Variants in ART3 observed in about 807,000 individuals in gnomAD.
ART3 encodes ADP-ribosyltransferase 3 (inactive), also known as ecto-ADP-ribosyltransferase 3.
A neutral mutation model predicts 48.5 loss-of-function variants in ART3; 49 were observed. The observed-to-expected ratio is 1.01, with a 90% CI of 0.80 to 1.28. The LOEUF (loss-of-function observed/expected upper bound fraction) is 1.28. ART3 is among the 50% of genes most tolerant of loss of function. ART3 has a pLI of 0.00. For synonymous variants in ART3, 145 were observed against 157.2 expected (o/e 0.92, Z 0.58); for missense variants, 438 against 454.3 (o/e 0.96, Z 0.33).
rs1037621748 is a variant in ART3 at position 76,082,369 on chromosome 4, A to G, written c.615A>G (p.Thr205=). 2 of 1,614,126 alleles carry G rather than the reference A, an allele frequency of 1.2e-6. No individual in the cohort carries two copies. The highest frequency in any genetic ancestry group is 1.3e-5 in the African/African-American group (1 of 74,946). The change falls in exon 3 of 12, where the codon ACA becomes ACG. Residue 205 remains threonine (T), a synonymous_variant. Coordinates refer to ENST00000355810, the MANE Select transcript of ART3 (RefSeq NM_001130016.3). ...AGCTCACTGTGTTATCCATCTACACATGCCTTGGAGTTGACATTGAAAATT... is the reference window on the plus strand; with the variant it reads ...AGCTCACTGTGTTATCCATCTACACGTGCCTTGGAGTTGACATTGAAAATT... ...NDQLTVLSIY[T]CLGVDIENFL... is the part of the protein sequence containing the mutation.
intron 1 of ART3, among the ~76,000 whole-genome samples, chr4:76,049,016 T>C (rs4541535): frequency 0.59 from 89,662 of 151,574 alleles, 27,657 homozygotes; most frequent in East Asian, 0.94. Flanking sequence ...AAGGATACAA[T>C]TTCTGAGGCT....
chr4:76,094,768 A>C (rs1471715445), intron 3 of ART3, among the ~76,000 whole-genome samples: 1 of 152,168 alleles, frequency 6.6e-6, no homozygotes, highest in African/African-American at 2.4e-5. Flanking sequence ...ACTCCACTGA[A>C]TACTTGAGGG....
At chr4:76,103,244 G>A (rs9992976) in intron 8 of ART3, among the ~76,000 whole-genome samples, 80,012 of 151,852 alleles carry the variant, frequency 0.53, 21,909 homozygotes, top group East Asian at 0.98. Context: ...AAGCCAGCAC[G>A]GTGGCTCACA....
chr4:76,059,362 G>GTTTTTTTTTTTTTTTTTTTTTTTT (rs71657397), intron 1 of ART3, among the ~76,000 whole-genome samples: 1 of 141,070 alleles, frequency 7.1e-6, no homozygotes, highest in African/African-American at 2.6e-5. Flanking sequence ...ATTTTCTCTT[G>GTTTTTTTTTTTTTTTTTTTTTTTT]TTTTTTTTTC....
In ART3 at chr4:76,075,883, G is replaced by A. The variant is rs937340207; in HGVS notation, c.-7G>A. 6 of 1,608,496 alleles carry A rather than the reference G, an allele frequency of 3.7e-6. No individual in the cohort carries two copies. The highest frequency in any genetic ancestry group is 5.1e-6 in the Non-Finnish European group (6 of 1,177,060). ...GAAATTTCTTTATTTTAATTTAGAA[G>A]AGAAAAATGAAGACGGGACATTTTG... is the stretch of plus-strand genomic sequence containing the variant. On this transcript the variant is annotated splice_region_variant and 5_prime_UTR_variant, in exon 2 of 12. Coordinates refer to ENST00000355810, the MANE Select transcript of ART3 (RefSeq NM_001130016.3).
intron 1 of ART3, among the ~76,000 whole-genome samples, chr4:76,030,322 C>T (rs1406291884): frequency 6.6e-6 from 1 of 152,224 alleles, no homozygotes; most frequent in Non-Finnish European, 1.5e-5. Context: ...TCCCAAAGTG[C>T]TGGGATTACA....
chr4:76,036,012 G>T, intron 1 of ART3: 1 of 1,608,190 alleles, frequency 6.2e-7, no homozygotes, highest in Non-Finnish European at 8.5e-7. Context: ...GTTGCTGCTG[G>T]TGCTGCTGCT....
chr4:76,112,546 TCTTTA>T lies in ART3; in HGVS notation c.*31_*35del, dbSNP rs1729689839. ...TTGATGCATTGTTTATCTTTCTTAT[TCTTTA>T]CTTGAAATAACTATAGGGATCCACA... On this transcript the variant is annotated 3_prime_UTR_variant, in exon 12 of 12. Coordinates refer to ENST00000355810, the MANE Select transcript of ART3 (RefSeq NM_001130016.3). 6.3e-7 allele frequency: 1 copy of T among 1,596,616 alleles called. No homozygotes were observed. Among genetic ancestry groups the T allele is most frequent in the African/African-American group, 1.3e-5 (1 of 74,280 alleles).
At chr4:76,107,722 TATACA>T in intron 10 of ART3, 34 bp from the exon 11 acceptor site, 1 of 1,297,840 alleles carries the variant, frequency 7.7e-7, no homozygotes, top group Non-Finnish European at 1.1e-6. Context: ...GATAAACAGA[TATACA>T]ATATAACTAA....
intron 7 of ART3, 65 bp downstream of exon 7, chr4:76,100,889 AAT>A: frequency 1.2e-6 from 2 of 1,601,812 alleles, no homozygotes; most frequent in Non-Finnish European, 1.7e-6. Flanking sequence ...TACAGGTGGG[AAT>A]ATTTTCATAT....
At chr4:76,034,818 T>C in intron 1 of ART3, 1 of 1,554,392 alleles carries the variant, frequency 6.4e-7, no homozygotes, top group Non-Finnish European at 8.8e-7. Flanking sequence ...TTCAACTTTC[T>C]GGAATAAGAA....
rs1487644708 is a variant in ART3, at chr4:76,112,385, G to A, written c.1037-1G>A. On this transcript the variant is annotated splice_acceptor_variant, in intron 11 of 11. Transcript: ENST00000355810. LOFTEE classifies it high-confidence loss of function. The stretch of plus-strand genomic sequence containing the variant: ...CAGTGACTGTGTATTCTTGTTAACA[G>A]CTCCAGGTCCAGTTCCTGTTCCAGG... 3.1e-6 allele frequency: 5 copies of A among 1,612,566 alleles called. No homozygotes were observed. Among genetic ancestry groups the A allele is most frequent in the South Asian group, 2.2e-5 (2 of 90,774 alleles).
intron 1 of ART3, among the ~76,000 whole-genome samples, chr4:76,027,893 C>T (rs1733547446): frequency 6.6e-6 from 1 of 151,202 alleles, no homozygotes; most frequent in African/African-American, 2.4e-5. Context: ...AGCATATTCT[C>T]AGAGAGTTAA....
intron 1 of ART3, chr4:76,022,406 TC>T (rs1732931541): frequency 1.2e-6 from 2 of 1,613,560 alleles, no homozygotes; most frequent in East Asian, 2.2e-5. Flanking sequence ...TTGATGGCCT[TC>T]GATTCTGGAT....
At chr4:76,104,708 T>C in intron 10 of ART3, 79 bp downstream of exon 10, 2 of 1,471,020 alleles carry the variant, frequency 1.4e-6, no homozygotes, top group Non-Finnish European at 1.9e-6. Context: ...CATGGGACTT[T>C]CTATGCCTCA....
rs763670498 is a variant in ART3, at chr4:76,035,895, T to G, written c.-10+24575T>G. 1.0e-5 allele frequency: 16 copies of G among 1,591,448 alleles called. No individual in the cohort carries two copies. The South Asian group carries it at 1.7e-4, about 17-fold the overall frequency. ...ACATTTGAAACATTAGAAAAGGAAC[T>G]TATAGGTTGAGAAATAAAAATTACT... is the stretch of plus-strand genomic sequence containing the variant. On this transcript the variant is annotated intron_variant, in intron 1 of 9. Transcript: ENST00000341029.
At chr4:76,028,720 T>C (rs911546011) in intron 1 of ART3, among the ~76,000 whole-genome samples, 2 of 152,202 alleles carry the variant, frequency 1.3e-5, no homozygotes, top group African/African-American at 4.8e-5. Context: ...CAGTGTTTGG[T>C]AATACTGGTT....
chr4:76,045,585 C>T (rs35871035), intron 1 of ART3, among the ~76,000 whole-genome samples: 104 of 152,146 alleles, frequency 6.8e-4, no homozygotes, highest in Non-Finnish European at 1.2e-3. Context: ...GGTTGTCCCA[C>T]GAGTCTAAGG....
chr4:76,026,643 C>T (rs968995595), intron 1 of ART3, among the ~76,000 whole-genome samples: 4 of 152,160 alleles, frequency 2.6e-5, no homozygotes, highest in Admixed American at 2.6e-4. Flanking sequence ...CTCTTCATTC[C>T]GGAACTCTGG....
Sources: allele counts gnomAD v4.1 joint callset (sites outside exome capture counted in the v4.1 genomes callset), GRCh38; gene constraint gnomAD v4.1.1; transcripts MANE v1.5; gene names NCBI Gene and HGNC (gene_info 2026-07-23, HGNC 2026-07-21).